The following PDIA5 variants were observed in gnomAD, a reference collection of about 807,000 sequenced individuals.
PDIA5 encodes protein disulfide isomerase family A member 5.
Under a neutral mutation model 77.6 loss-of-function variants are expected in PDIA5, and 58 were observed. That is an observed-to-expected ratio of 0.75 (90% CI 0.61 to 0.93). The LOEUF is 0.93. Ranked by LOEUF, PDIA5 falls within the 40% of genes least tolerant of loss-of-function variation. PDIA5 has a pLI of 0.00. For synonymous variants in PDIA5, 250 were observed against 252.1 expected (o/e 0.99, Z 0.08); for missense variants, 630 against 647.7 (o/e 0.97, Z 0.30).
intron 1 of PDIA5, among the ~76,000 whole-genome samples, chr3:123,073,081 C>A (rs983290200): frequency 2.6e-5 from 4 of 152,168 alleles, no homozygotes; most frequent in African/African-American, 9.7e-5. Context: ...CCTCTGGCTC[C>A]CCGTGTGATC....
chr3:123,097,117 AG>A (rs1032154841), intron 3 of PDIA5, among the ~76,000 whole-genome samples: 4 of 152,244 alleles, frequency 2.6e-5, no homozygotes, highest in African/African-American at 4.8e-5. Context: ...CTGCCAGAGC[AG>A]GCATAACATA....
intron 6 of PDIA5, among the ~76,000 whole-genome samples, chr3:123,108,760 C>T (rs1458004160): frequency 6.6e-6 from 1 of 151,940 alleles, no homozygotes; most frequent in African/African-American, 2.4e-5. Flanking sequence ...GTGGCATCTG[C>T]CTGTAATCCC....
chr3:123,097,982 A>T (rs1934484646), intron 3 of PDIA5, among the ~76,000 whole-genome samples: 1 of 152,132 alleles, frequency 6.6e-6, no homozygotes. Flanking sequence ...TCTCCCGTGG[A>T]CATGAGAACC....
intron 11 of PDIA5, among the ~76,000 whole-genome samples, chr3:123,142,934 T>C (rs577828675): frequency 6.6e-6 from 1 of 152,336 alleles, no homozygotes; most frequent in East Asian, 1.9e-4. Context: ...GGAGGTCTTC[T>C]CAAGCCCCTG....
At chr3:123,159,464 T>G (rs565475519) in intron 15 of PDIA5, among the ~76,000 whole-genome samples, 14 of 152,354 alleles carry the variant, frequency 9.2e-5, no homozygotes, top group Non-Finnish European at 1.3e-4. Flanking sequence ...ATGTTTAGCC[T>G]ACCTGAAGGA....
chr3:123,127,001 C>T (rs1935257118), intron 10 of PDIA5, among the ~76,000 whole-genome samples: 4 of 152,192 alleles, frequency 2.6e-5, no homozygotes, highest in Admixed American at 2.0e-4. Context: ...GTGAGTTGGG[C>T]TAGCAGACAG....
intron 1 of PDIA5, among the ~76,000 whole-genome samples, chr3:123,072,912 C>CTG (rs66567660): frequency 0.013 from 1,927 of 146,900 alleles, 32 homozygotes; most frequent in African/African-American, 0.037. Flanking sequence ...ACCTCTCCTT[C>CTG]TGTGTGTGTG....
chr3:123,150,362 C>G lies in PDIA5; in HGVS notation c.1271C>G (p.Pro424Arg). Reference sequence around the variant, plus strand: ...CACACCTTGGTCATGTTCTACGCCCCTTGTAAGTAGCTTGGGTGCTCACTG... The same window carrying G: ...CACACCTTGGTCATGTTCTACGCCCGTTGTAAGTAGCTTGGGTGCTCACTG... ...KKHTLVMFYA[P>R]WCPHCKKVIP... The change falls in exon 14 of 17, where the codon CCT becomes CGT. Residue 424 changes from proline (P) to arginine (R), a missense_variant and splice_region_variant. Transcript: ENST00000316218. 6.2e-7 allele frequency: 1 copy of G among 1,613,078 alleles called. No homozygotes were observed. Among genetic ancestry groups the G allele is most frequent in the East Asian group, 2.2e-5 (1 of 44,864 alleles).
intron 5 of PDIA5, 54 bp downstream of exon 5, chr3:123,102,850 A>G: frequency 8.4e-7 from 1 of 1,196,158 alleles, no homozygotes; most frequent in South Asian, 1.2e-5. Context: ...GGACGCCCAA[A>G]GTCTGGCAGG....
intron 2 of PDIA5, among the ~76,000 whole-genome samples, chr3:123,091,115 A>G (rs896688203): frequency 6.6e-6 from 1 of 152,028 alleles, no homozygotes; most frequent in African/African-American, 2.4e-5. Flanking sequence ...CAGTAGAACA[A>G]TGGCTTTCCC....
chr3:123,133,731 G>A (rs1485468851), intron 11 of PDIA5, among the ~76,000 whole-genome samples: 1 of 152,180 alleles, frequency 6.6e-6, no homozygotes, highest in African/African-American at 2.4e-5. Context: ...CTTGGGAAAA[G>A]GCTGACCAGC....
chr3:123,118,234 G>T (rs1935037191), intron 8 of PDIA5, among the ~76,000 whole-genome samples: 1 of 152,150 alleles, frequency 6.6e-6, no homozygotes, highest in Non-Finnish European at 1.5e-5. Flanking sequence ...TGGAGACATT[G>T]GCCTTGGGGC....
chr3:123,151,364 G>A (rs778024666), intron 14 of PDIA5, among the ~76,000 whole-genome samples: 2 of 152,282 alleles, frequency 1.3e-5, no homozygotes, highest in Non-Finnish European at 2.9e-5. Context: ...GCATTAGGGG[G>A]TGGAGGACTG....
chr3:123,096,753 C>T (rs902084776), intron 3 of PDIA5, among the ~76,000 whole-genome samples: 4 of 152,160 alleles, frequency 2.6e-5, no homozygotes, highest in African/African-American at 9.7e-5. Context: ...GCTCAGACCT[C>T]AACAGCCACG....
At chr3:123,080,223 G>A (rs1474251173) in intron 1 of PDIA5, among the ~76,000 whole-genome samples, 3 of 152,166 alleles carry the variant, frequency 2.0e-5, no homozygotes, top group African/African-American at 7.2e-5. Context: ...TAGGACATGG[G>A]ACTTCTACAT....
intron 1 of PDIA5, among the ~76,000 whole-genome samples, chr3:123,084,690 T>G (rs192630052): frequency 6.6e-6 from 1 of 152,354 alleles, no homozygotes; most frequent in East Asian, 1.9e-4. Context: ...CTTTGGCTGT[T>G]GTTGCAGTCT....
intron 7 of PDIA5, among the ~76,000 whole-genome samples, chr3:123,114,271 G>A (rs920311919): frequency 1.2e-4 from 18 of 152,340 alleles, no homozygotes; most frequent in Middle Eastern, 3.4e-3. Flanking sequence ...ATGAGTGAAA[G>A]GCTGCAGGTG....
Position 123,067,196 on chromosome 3 carries a change from T to C in PDIA5, c.32T>C (p.Leu11Pro), listed in dbSNP as rs1360292907. 6 of 1,247,810 alleles carry C rather than the reference T, an allele frequency of 4.8e-6. 1 individual carries two copies. Among genetic ancestry groups the C allele is most frequent in the Non-Finnish European group, 5.0e-6 (5 of 990,422 alleles). 77.3% of individuals were successfully genotyped at this position (1,247,810 alleles called of 1,614,324 possible). A position where few individuals can be genotyped will look rare whatever the true frequency, so the allele number is the denominator to read the frequency against. The change falls in exon 1 of 17, where the codon CTG (leucine) becomes CCG (proline). Residue 11 changes from leucine to proline, a missense_variant. Physicochemically the swap from Leu to Pro is moderately conservative, Grantham distance 98. Coordinates refer to ENST00000316218, the MANE Select transcript of PDIA5 (RefSeq NM_006810.4). Reference protein sequence around the residue: MARAGPAWLLLAIWVVLPSWL... With the variant: MARAGPAWLLPAIWVVLPSWL... ...CGGGCCGGGCCGGCGTGGCTGCTGCTGGCAATCTGGGTGAGACTGTGGGGC... is the reference window on the plus strand; with the variant it reads ...CGGGCCGGGCCGGCGTGGCTGCTGCCGGCAATCTGGGTGAGACTGTGGGGC...
rs180874674 is a variant in PDIA5, at chr3:123,102,990, G to A, written c.387+194G>A. Among the ~76,000 whole-genome samples, 3 of 152,336 alleles carry A rather than the reference G, an allele frequency of 2.0e-5. No individual in the cohort carries two copies. In the East Asian group the frequency reaches 5.8e-4, roughly 29 times the overall value. On this transcript the variant is annotated intron_variant, in intron 5 of 16. Transcript: ENST00000316218. ...TTTGTAGCTCTTAACACAACAGATT[G>A]ACCCAGCTTTGGAAATAGGTTTGTG...
Sources: allele counts gnomAD v4.1 joint callset (sites outside exome capture counted in the v4.1 genomes callset), GRCh38; gene constraint gnomAD v4.1.1; transcripts MANE v1.5; gene names NCBI Gene and HGNC (gene_info 2026-07-23, HGNC 2026-07-21).